Variants in TRPM1 observed in about 807,000 individuals in gnomAD.
The protein encoded by TRPM1 is transient receptor potential cation channel subfamily M member 1, also known as TRPM1-203 APA Isoform, Intron 10.
A neutral mutation model predicts 149.4 loss-of-function variants in TRPM1; 113 were observed. That is an observed-to-expected ratio of 0.76 (90% CI 0.65 to 0.88). TRPM1 has a LOEUF of 0.88. TRPM1 is among the 40% of genes least tolerant of loss of function. TRPM1 has a pLI of 0.00. For missense variants in TRPM1, 1,976 were observed against 2,038.7 expected (o/e 0.97, Z 0.59); for synonymous variants, 741 against 759.5 (o/e 0.98, Z 0.40).
At chr15:31,139,659 G>C (rs1305781891) in intron 1 of TRPM1, among the ~76,000 whole-genome samples, 1 of 152,170 alleles carries the variant, frequency 6.6e-6, no homozygotes, top group Admixed American at 6.5e-5. Context: ...GTTTAATATT[G>C]TTGGTTTAAT....
In TRPM1 at chr15:31,059,324, G is replaced by A. The variant is rs1025679034; in HGVS notation, c.1263+1220C>T. 2.6e-5 allele frequency among the ~76,000 whole-genome samples: 4 copies of A among 152,338 alleles called. No individual in the cohort carries two copies. In the East Asian group the frequency reaches 5.8e-4, roughly 22 times the overall value. On this transcript the variant is annotated intron_variant, in intron 11 of 27. Coordinates refer to ENST00000256552, the MANE Select transcript of TRPM1 (RefSeq NM_001252024.2). ...TGGGAGGCAATTAAATGCTTTGGGA[G>A]ACCTAAACACAGAGGCAGTTAAGTA... is the stretch of plus-strand genomic sequence containing the variant.
At position 31,013,372 on chromosome 15, in the gene TRPM1, G is replaced by GATAGTATATATATATATAT. The variant is rs1377332550; in HGVS notation, c.3630-10303_3630-10302insATATATATATATATACTAT. ...TTTTTTGAGACCTCGTCTACTACTT[G>GATAGTATATATATATATAT]ATATAATTTCCACCTCTTTATTGAT... is the stretch of plus-strand genomic sequence containing the variant. On this transcript the variant is annotated intron_variant, in intron 27 of 27. Transcript: ENST00000256552. 1.6e-4 allele frequency among the ~76,000 whole-genome samples: 24 copies of GATAGTATATATATATATAT among 151,734 alleles called. 1 individual carries two copies. In the South Asian group the frequency reaches 5.0e-3, roughly 32 times the overall value.
At chr15:31,155,070 T>C (rs960203529) in intron 1 of TRPM1, among the ~76,000 whole-genome samples, 1 of 152,242 alleles carries the variant, frequency 6.6e-6, no homozygotes, top group Non-Finnish European at 1.5e-5. Flanking sequence ...GCAGGCAAGG[T>C]GAACCCCTTG....
At chr15:31,099,136 A>G (rs1018093525) in intron 1 of TRPM1, among the ~76,000 whole-genome samples, 14 of 152,138 alleles carry the variant, frequency 9.2e-5, no homozygotes, top group Non-Finnish European at 1.5e-4. Context: ...CCTGCTCCCA[A>G]TGGATGCTGT....
intron 3 of TRPM1, among the ~76,000 whole-genome samples, chr15:31,072,004 TATATATATATATATAGAGAG>T (rs1194098830): frequency 0.05 from 2,698 of 53,468 alleles, 101 homozygotes; most frequent in Non-Finnish European, 0.069. Context: ...TATATATATA[TATATATATATATATAGAGAG>T]AGAGAGAGAG....
At chr15:31,028,304 G>A (rs751941581) in intron 25 of TRPM1, 28 bp downstream of exon 25, 68 of 1,613,728 alleles carry the variant, frequency 4.2e-5, no homozygotes, top group Non-Finnish European at 4.9e-5. Context: ...TAAATAATAA[G>A]CATGTGGTCA....
rs572094178 is a variant in TRPM1 at position 31,157,536 on chromosome 15, CA to C, written c.54+3369del. On this transcript the variant is annotated intron_variant, in intron 1 of 26. Transcript: ENST00000542188. ...GACTTTATGTGTCTTTTAGCAACAA[CA>C]AAAAAAATGTAGACAGGGATAAAAG... is the stretch of plus-strand genomic sequence containing the variant. Among the ~76,000 whole-genome samples the C allele has an allele frequency of 2.6e-5, 4 of 151,890 alleles. No homozygotes were observed. In the South Asian group the frequency reaches 6.3e-4, roughly 24 times the overall value.
chr15:31,081,791 T>A (rs912409326), intron 1 of TRPM1, among the ~76,000 whole-genome samples: 1 of 152,214 alleles, frequency 6.6e-6, no homozygotes, highest in African/African-American at 2.4e-5. Context: ...CAGTGCCACC[T>A]GCTCAGCCCT....
In TRPM1 at chr15:31,040,378, C is replaced by T. The variant is rs374630845; in HGVS notation, c.2088-32G>A. On this transcript the variant is annotated intron_variant, in intron 17 of 27. Transcript: ENST00000256552. The surrounding 1 kb of genome is among the most constrained non-coding windows in gnomAD (Gnocchi z 4.2). ...GGAAAGAGAAGGGACCAGGGTGAAG[C>T]CACAGTGGCCGCAAGCTGTTTCTTA... is the stretch of plus-strand genomic sequence containing the variant. The T allele has an allele frequency of 1.8e-5, 28 of 1,588,764 alleles. No individual in the cohort carries two copies. The Admixed American group carries it at 3.8e-4, about 22-fold the overall frequency.
intron 27 of TRPM1, among the ~76,000 whole-genome samples, chr15:31,011,584 C>G (rs7164939): frequency 0.34 from 51,435 of 151,542 alleles, 8,936 homozygotes; most frequent in Middle Eastern, 0.39. Context: ...ATATGTTTTT[C>G]AGTTATTTTC....
intron 1 of TRPM1, among the ~76,000 whole-genome samples, chr15:31,160,266 C>T (rs112970594): frequency 6.6e-5 from 10 of 152,298 alleles, no homozygotes; most frequent in African/African-American, 2.4e-4. Context: ...CTAGGAAAAG[C>T]ACACCTAAGA....
chr15:31,049,641 T>C (rs1401453785), intron 12 of TRPM1, 132 bp from the exon 13 acceptor site: 1 of 1,041,798 alleles, frequency 9.6e-7, no homozygotes. Context: ...TACTCTTTGC[T>C]CTTTATCTTG....
intron 1 of TRPM1, among the ~76,000 whole-genome samples, chr15:31,114,708 C>T (rs927221791): frequency 6.6e-6 from 1 of 152,074 alleles, no homozygotes; most frequent in Non-Finnish European, 1.5e-5. Context: ...GAAATAATTG[C>T]CAACCTAGAA....
At chr15:31,113,571 G>A (rs952771403) in intron 1 of TRPM1, among the ~76,000 whole-genome samples, 2 of 151,748 alleles carry the variant, frequency 1.3e-5, no homozygotes, top group Admixed American at 6.6e-5. Context: ...TTAACTTTAG[G>A]TTCCCCCATA....
At chr15:31,097,559 C>T (rs1043986190) in intron 1 of TRPM1, among the ~76,000 whole-genome samples, 1 of 152,124 alleles carries the variant, frequency 6.6e-6, no homozygotes, top group East Asian at 1.9e-4. Context: ...AATTGGAAAC[C>T]TCCACTTTTT....
upstream of TRPM1, among the ~76,000 whole-genome samples, chr15:31,102,039 C>G (rs2035527728): frequency 2.0e-5 from 3 of 152,220 alleles, no homozygotes; most frequent in South Asian, 4.1e-4. Context: ...GACAATTGGA[C>G]ATAATGGTTC....
chr15:31,067,269 T>C (rs2034404718), intron 5 of TRPM1, 82 bp from the exon 6 acceptor site: 3 of 1,589,504 alleles, frequency 1.9e-6, no homozygotes, highest in Non-Finnish European at 2.6e-6. Flanking sequence ...ACACTTGCCC[T>C]GAGTCCCTAC....
intron 1 of TRPM1, among the ~76,000 whole-genome samples, chr15:31,138,230 C>T (rs564140472): frequency 6.6e-6 from 1 of 152,144 alleles, no homozygotes; most frequent in Non-Finnish European, 1.5e-5. Context: ...GGGCCGCCCT[C>T]ACAAAGATTT....
chr15:31,067,944 C>G lies in TRPM1; in HGVS notation c.428G>C (p.Gly143Ala), dbSNP rs1050374455. 6.2e-6 allele frequency: 10 copies of G among 1,614,062 alleles called. No homozygotes were observed. The highest frequency in any genetic ancestry group is 8.5e-6 in the Non-Finnish European group (10 of 1,180,006). The part of the protein sequence containing the change: ...EMQPKLKQVF[G>A]KGLIKAAMTT... ...CATAGCAGCCTTGATCAGGCCTTTCCCAAAGACTTGTTTCAGCTTGGGCTG... is the reference window on the plus strand; with the variant it reads ...CATAGCAGCCTTGATCAGGCCTTTCGCAAAGACTTGTTTCAGCTTGGGCTG... Residue 143 changes from glycine (G) to alanine (A), a missense_variant, in exon 5 of 28, where the codon GGG (glycine) becomes GCG (alanine). Gly to Ala is a moderately conservative substitution (Grantham distance 60). Around this residue, in one of 3 missense-constraint regions of TRPM1, gnomAD observed 1,332 missense variants for 1,347.1 expected, o/e 0.99. Coordinates refer to ENST00000256552, the MANE Select transcript of TRPM1 (RefSeq NM_001252024.2).
Sources: allele counts gnomAD v4.1 joint callset (sites outside exome capture counted in the v4.1 genomes callset), GRCh38; gene constraint gnomAD v4.1.1; regional missense constraint gnomAD v4.1.1; non-coding constraint Gnocchi (gnomAD v3.1); transcripts MANE v1.5; gene names NCBI Gene and HGNC (gene_info 2026-07-23, HGNC 2026-07-21).